The following NEK10 variants were observed in gnomAD, a reference collection of about 807,000 sequenced individuals.
The protein encoded by NEK10 is serine/threonine-protein kinase Nek10.
A neutral mutation model predicts 159.8 loss-of-function variants in NEK10; 122 were observed. The ratio of observed to expected loss-of-function variants is 0.76; its 90% CI spans 0.66 to 0.89. NEK10 has a LOEUF of 0.89. Among genes scored for constraint, NEK10 ranks in the 40% least tolerant of loss-of-function variants. The probability of loss-of-function intolerance (pLI) is 0.00; values close to 1 mark genes in which losing one functional copy is unlikely to be tolerated. For synonymous variants in NEK10, 466 were observed against 457.1 expected, an observed-to-expected ratio of 1.02 and a Z score of -0.25; for missense variants, 1,342 against 1,323.1, an observed-to-expected ratio of 1.01 and a Z score of -0.22.
intron 32 of NEK10, among the ~76,000 whole-genome samples, chr3:27,126,736 T>C (rs779570904): frequency 6.6e-6 from 1 of 151,802 alleles, no homozygotes; most frequent in Non-Finnish European, 1.5e-5. Context: ...CACCCTTGGC[T>C]GCAAATTAGA....
intron 26 of NEK10, among the ~76,000 whole-genome samples, chr3:27,185,128 T>C (rs908104976): frequency 5.3e-5 from 8 of 152,210 alleles, no homozygotes; most frequent in Non-Finnish European, 1.2e-4. Flanking sequence ...AGTGAAGTTA[T>C]GAACAGTTTG....
Position 27,111,301 on chromosome 3 carries a change from C to G in NEK10, c.3319G>C (p.Gly1107Arg). Reference sequence around the variant, plus strand: ...CTTTTGGTTGGGTGATTCTTGGTCCCCCATGGATAGGAATGATACCTATAA... The same window carrying G: ...CTTTTGGTTGGGTGATTCTTGGTCCGCCATGGATAGGAATGATACCTATAA... The part of the protein sequence containing the change: ...TSNRYHSYPW[G>R]TKNHPTKR The change falls in exon 36 of 36, where the codon GGG becomes CGG. Residue 1107 changes from glycine to arginine, a missense_variant. Gly to Arg is a moderately radical substitution (Grantham distance 125, BLOSUM62 -2). Transcript: ENST00000691995. 6.2e-7 allele frequency: 1 copy of G among 1,607,240 alleles called. No individual in the cohort carries two copies. The highest frequency in any genetic ancestry group is 1.3e-5 in the African/African-American group (1 of 74,528).
rs1286017726 is a variant in NEK10 at position 27,295,584 on chromosome 3, T to C, written c.1308+29A>G. The C allele has an allele frequency of 2.6e-6, 4 of 1,540,872 alleles. No individual in the cohort carries two copies. The Admixed American group carries it at 8.2e-5, about 31-fold the overall frequency. ...GTTACCCAAGATTTCAATAACTTGATACTGAAGGACAAGAGACATGTTTAT... is the reference window on the plus strand; with the variant it reads ...GTTACCCAAGATTTCAATAACTTGACACTGAAGGACAAGAGACATGTTTAT... On this transcript the variant is annotated intron_variant, in intron 15 of 35. Transcript: ENST00000691995.
In NEK10 at chr3:27,192,140, C is replaced by G. The variant is rs766212798; in HGVS notation, c.2394G>C (p.Gln798His). The change falls in exon 26 of 36, where the codon CAG becomes CAC. Residue 798 changes from glutamine to histidine, a missense_variant. Transcript: ENST00000691995. ...MKYLDNLSTS[Q>H]LSLEKKLERE... Reference sequence around the variant, plus strand: ...GTTCTAGCTTCTTTTCCAAGGACAACTGGGATGTAGATAAGTTGTCTAAAT... The same window carrying G: ...GTTCTAGCTTCTTTTCCAAGGACAAGTGGGATGTAGATAAGTTGTCTAAAT... 2 of 1,614,148 alleles carry G rather than the reference C, an allele frequency of 1.2e-6. No individual in the cohort carries two copies. Among genetic ancestry groups the G allele is most frequent in the South Asian group, 1.1e-5 (1 of 91,086 alleles).
At chr3:27,324,013 G>A (rs933123320) in intron 5 of NEK10, among the ~76,000 whole-genome samples, 1 of 152,180 alleles carries the variant, frequency 6.6e-6, no homozygotes, top group Non-Finnish European at 1.5e-5. Context: ...ACCTAAGGGA[G>A]CATATCAGTC....
intron 23 of NEK10, among the ~76,000 whole-genome samples, chr3:27,220,020 A>C (rs1049753180): frequency 1.3e-5 from 2 of 152,260 alleles, no homozygotes; most frequent in African/African-American, 2.4e-5. Flanking sequence ...CAAAGAAAGT[A>C]CATGACTTGT....
intron 33 of NEK10, among the ~76,000 whole-genome samples, chr3:27,117,234 G>T (rs1328504974): frequency 6.6e-6 from 1 of 152,140 alleles, no homozygotes; most frequent in African/African-American, 2.4e-5. Flanking sequence ...TCATTGATGG[G>T]CATTTGGGTT....
chr3:27,362,486 A>G (rs1365425595), intron 1 of NEK10, among the ~76,000 whole-genome samples: 5 of 152,088 alleles, frequency 3.3e-5, no homozygotes, highest in Non-Finnish European at 7.4e-5. Context: ...ATAATGTTAG[A>G]GTGTCCATGG....
Position 27,309,754 on chromosome 3 carries a change from T to C in NEK10, c.637-749A>G, listed in dbSNP as rs780117696. 2.6e-5 allele frequency: 4 copies of C among 152,324 alleles called. No homozygotes were observed. The South Asian group carries it at 6.2e-4, about 24-fold the overall frequency. 9.4% of individuals were successfully genotyped at this position (152,324 alleles called of 1,614,324 possible). On this transcript the variant is annotated intron_variant, in intron 9 of 35. Coordinates refer to ENST00000691995, the MANE Select transcript of NEK10 (RefSeq NM_001394966.1). The stretch of plus-strand genomic sequence containing the variant: ...GGCACTTTCCAAATTATGAAACGAT[T>C]TTTCAACAAAATATTGAAACTTTCA...
At chr3:27,262,358 C>G (rs2040490786) in intron 22 of NEK10, among the ~76,000 whole-genome samples, 1 of 152,104 alleles carries the variant, frequency 6.6e-6, no homozygotes, top group South Asian at 2.1e-4. Context: ...CTCTGTATTT[C>G]CTGAATTTAA....
intron 1 of NEK10, among the ~76,000 whole-genome samples, chr3:27,355,394 C>A (rs1377400693): frequency 6.6e-6 from 1 of 151,986 alleles, no homozygotes. Context: ...AATGAGCATC[C>A]CAAATTTAAC....
In NEK10 at chr3:27,192,072, C is replaced by T. The variant is rs377025826; in HGVS notation, c.2462G>A (p.Arg821Gln). The stretch of plus-strand genomic sequence containing the variant: ...CTCATGGTGACATGTGACGGTGTTC[C>T]GGTTGGCTTCCATAAAATACCTTTG... ...RTQRYFMEAN[R>Q]NTVTCHHELA... The change falls in exon 26 of 36, where the codon CGG becomes CAG. Residue 821 changes from arginine (R) to glutamine (Q), a missense_variant. Transcript: ENST00000691995. The T allele has an allele frequency of 8.7e-6, 14 of 1,614,138 alleles. No individual in the cohort carries two copies. The highest frequency in any genetic ancestry group is 4.0e-5 in the African/African-American group (3 of 75,022).
intron 1 of NEK10, among the ~76,000 whole-genome samples, chr3:27,360,805 G>A (rs1011645226): frequency 6.6e-6 from 1 of 152,212 alleles, no homozygotes; most frequent in Non-Finnish European, 1.5e-5. Context: ...GAATCTCCAA[G>A]GGCAGGAGTG....
chr3:27,252,757 C>T (rs1307451061), intron 23 of NEK10: 5 of 374,922 alleles, frequency 1.3e-5, no homozygotes, highest in Non-Finnish European at 2.6e-5. Flanking sequence ...AAGGGAGCTG[C>T]ATGTGCAAAG....
At chr3:27,349,936 A>G (rs2047845763) in intron 3 of NEK10, among the ~76,000 whole-genome samples, 1 of 152,178 alleles carries the variant, frequency 6.6e-6, no homozygotes, top group Admixed American at 6.5e-5. Flanking sequence ...AGATACACAG[A>G]GTGTAGGTCA....
intron 1 of NEK10, among the ~76,000 whole-genome samples, chr3:27,361,996 AG>A (rs1456613417): frequency 1.4e-4 from 21 of 152,354 alleles, no homozygotes; most frequent in African/African-American, 4.8e-4. Context: ...TTGTAAAAGA[AG>A]ACATTTTTTA....
intron 5 of NEK10, among the ~76,000 whole-genome samples, chr3:27,329,319 C>T (rs756001409): frequency 1.2e-4 from 19 of 152,212 alleles, no homozygotes; most frequent in African/African-American, 2.6e-4. Context: ...TTATTAGCGA[C>T]GTGAAAACAG....
At chr3:27,154,749 C>T (rs987816505) in intron 30 of NEK10, among the ~76,000 whole-genome samples, 1 of 151,912 alleles carries the variant, frequency 6.6e-6, no homozygotes, top group Non-Finnish European at 1.5e-5. Flanking sequence ...ATCCAGCATC[C>T]CTTTATGATT....
chr3:27,215,007 C>T (rs1951365522), intron 23 of NEK10: 1 of 663,098 alleles, frequency 1.5e-6, no homozygotes. Flanking sequence ...TCCGGCCAAG[C>T]TCCAACTCCG....
Sources: gnomAD v4.1 joint callset for allele counts (sites outside exome capture counted in the v4.1 genomes callset) on GRCh38, gnomAD v4.1.1 for gene constraint, MANE v1.5 for transcripts, NCBI Gene and HGNC (gene_info 2026-07-23, HGNC 2026-07-21) for gene names.